KCTD8: variants seen among roughly 807,000 people sequenced by gnomAD.
The protein encoded by KCTD8 is BTB/POZ domain-containing protein KCTD8.
In KCTD8, 27 loss-of-function variants were observed where a neutral mutation model predicts 31.5. The observed-to-expected ratio is 0.86, with a 90% CI of 0.63 to 1.18. The LOEUF is 1.18. Among genes scored for constraint, KCTD8 ranks in the 50% most tolerant of loss-of-function variants. KCTD8 has a pLI of 0.00. For synonymous variants in KCTD8, 290 were observed against 280.0 expected, an observed-to-expected ratio of 1.04 and a Z score of -0.36; for missense variants, 658 against 647.7, an observed-to-expected ratio of 1.02 and a Z score of -0.17.
intron 1 of KCTD8, among the ~76,000 whole-genome samples, chr4:44,375,673 C>T (rs1017021657): frequency 6.6e-6 from 1 of 152,202 alleles, no homozygotes; most frequent in East Asian, 1.9e-4. Context: ...TAAGGGAGTA[C>T]TTTGAAATAA....
intron 1 of KCTD8, among the ~76,000 whole-genome samples, chr4:44,403,509 C>T (rs1720714765): frequency 6.6e-6 from 1 of 151,768 alleles, no homozygotes; most frequent in Non-Finnish European, 1.5e-5. Flanking sequence ...AAGTCCAAAA[C>T]CAAGATGTCA....
At chr4:44,222,102 A>G (rs1173017574) in intron 1 of KCTD8, among the ~76,000 whole-genome samples, 2 of 152,206 alleles carry the variant, frequency 1.3e-5, no homozygotes, top group South Asian at 2.1e-4. Flanking sequence ...TCTTTAAATA[A>G]TTTACATTTT....
chr4:44,330,214 T>C (rs1474554431), intron 1 of KCTD8, among the ~76,000 whole-genome samples: 1 of 152,010 alleles, frequency 6.6e-6, no homozygotes, highest in Non-Finnish European at 1.5e-5. Flanking sequence ...TAGAATTTCC[T>C]ATAAAATCTA....
chr4:44,178,925 C>G (rs1713295290), intron 1 of KCTD8, among the ~76,000 whole-genome samples: 1 of 152,162 alleles, frequency 6.6e-6, no homozygotes, highest in Admixed American at 6.5e-5. Context: ...TTGTACCCAC[C>G]ATGTGCCAGA....
At chr4:44,398,893 T>A (rs1720577266) in intron 1 of KCTD8, among the ~76,000 whole-genome samples, 1 of 152,188 alleles carries the variant, frequency 6.6e-6, no homozygotes, top group South Asian at 2.1e-4. Context: ...AAGTGTGAGT[T>A]GAAGTCATAC....
chr4:44,218,944 C>A (rs1300604686), intron 1 of KCTD8, among the ~76,000 whole-genome samples: 1 of 152,128 alleles, frequency 6.6e-6, no homozygotes, highest in Non-Finnish European at 1.5e-5. Flanking sequence ...CAGTTTCATT[C>A]TTTTCTACTC....
At chr4:44,201,589 C>T (rs1332957824) in intron 1 of KCTD8, among the ~76,000 whole-genome samples, 7 of 152,040 alleles carry the variant, frequency 4.6e-5, no homozygotes, top group African/African-American at 1.4e-4. Context: ...GTTGGGATAA[C>T]TGGCTAATTA....
Position 44,448,713 on chromosome 4 carries a change from GGA to G in KCTD8, c.-192_-191del, listed in dbSNP as rs975956255. The G allele has an allele frequency of 4.8e-5, 22 of 460,344 alleles. No homozygotes were observed. The highest frequency in any genetic ancestry group is 4.5e-4 in the African/African-American group (22 of 49,248). The allele number at this position is 460,344 out of a possible 1,614,324, so 28.5% of individuals were successfully genotyped here. ...TCGGCGGCGCCCGAGCTCCATCGGA[GGA>G]GAGACGCGCGAGAGAGGAGCTCCGC... On this transcript the variant is annotated 5_prime_UTR_variant, in exon 1 of 2. Transcript: ENST00000360029. This position sits in a 1 kb window ranked among gnomAD's most constrained non-coding sequence, Gnocchi z 4.1.
intron 1 of KCTD8, among the ~76,000 whole-genome samples, chr4:44,253,640 T>A (rs1715906805): frequency 6.6e-6 from 1 of 151,732 alleles, no homozygotes; most frequent in Non-Finnish European, 1.5e-5. Flanking sequence ...TATAGAGAGA[T>A]CCCAGTCTTT....
intron 1 of KCTD8, among the ~76,000 whole-genome samples, chr4:44,215,384 T>C (rs986067178): frequency 6.6e-6 from 1 of 152,182 alleles, no homozygotes; most frequent in Non-Finnish European, 1.5e-5. Context: ...AAAATTTATA[T>C]AAAATGACAG....
At chr4:44,201,119 A>G (rs915274604) in intron 1 of KCTD8, among the ~76,000 whole-genome samples, 4 of 152,102 alleles carry the variant, frequency 2.6e-5, no homozygotes, top group Non-Finnish European at 4.4e-5. Context: ...AAAGATCTCT[A>G]CAAGGAGAAC....
At chr4:44,236,181 G>C (rs1376095670) in intron 1 of KCTD8, among the ~76,000 whole-genome samples, 2 of 152,170 alleles carry the variant, frequency 1.3e-5, no homozygotes. Context: ...AGCCAGGGAA[G>C]AAATACCCTC....
intron 1 of KCTD8, among the ~76,000 whole-genome samples, chr4:44,346,709 A>C (rs2109421893): frequency 6.6e-6 from 1 of 152,286 alleles, no homozygotes; most frequent in Non-Finnish European, 1.5e-5. Flanking sequence ...TGTCATGGTG[A>C]CTGACCCTTC....
At chr4:44,444,406 GAAAGT>G (rs1721889226) in intron 1 of KCTD8, among the ~76,000 whole-genome samples, 1 of 152,140 alleles carries the variant, frequency 6.6e-6, no homozygotes, top group Admixed American at 6.6e-5. Flanking sequence ...TCATAATTCT[GAAAGT>G]ATAGTATGCT....
chr4:44,346,410 A>G (rs2109421609), intron 1 of KCTD8, among the ~76,000 whole-genome samples: 1 of 152,256 alleles, frequency 6.6e-6, no homozygotes, highest in Non-Finnish European at 1.5e-5. Flanking sequence ...CCCATGTAAA[A>G]TTGTGGTGAT....
chr4:44,192,475 TACACACACACACACACACACACAC>T (rs34405384), intron 1 of KCTD8, among the ~76,000 whole-genome samples: 16 of 137,090 alleles, frequency 1.2e-4, no homozygotes, highest in Admixed American at 9.6e-4. Flanking sequence ...TAAGCAAAGA[TACACACACACACACACACACACAC>T]ACACACACAC....
intron 1 of KCTD8, among the ~76,000 whole-genome samples, chr4:44,252,321 G>A (rs534052306): frequency 5.7e-4 from 86 of 151,790 alleles, no homozygotes; most frequent in African/African-American, 2.0e-3. Context: ...TGCTATAAAC[G>A]TGTGTGTAAG....
intron 1 of KCTD8, among the ~76,000 whole-genome samples, chr4:44,432,782 C>A (rs1159803918): frequency 6.6e-6 from 1 of 151,672 alleles, no homozygotes; most frequent in Middle Eastern, 3.2e-3. Flanking sequence ...TTATAATTTT[C>A]TTTCATTATC....
intron 1 of KCTD8, among the ~76,000 whole-genome samples, chr4:44,182,264 C>T (rs1451277422): frequency 4.6e-5 from 7 of 152,276 alleles, no homozygotes; most frequent in African/African-American, 1.7e-4. Context: ...CCCCTCTGCC[C>T]GGCCACCACC....
Sources: allele counts gnomAD v4.1 joint callset (sites outside exome capture counted in the v4.1 genomes callset), GRCh38; gene constraint gnomAD v4.1.1; non-coding constraint Gnocchi (gnomAD v3.1); transcripts MANE v1.5; gene names NCBI Gene and HGNC (gene_info 2026-07-23, HGNC 2026-07-21).